Variants in PHKB observed in about 807,000 individuals in gnomAD.
The protein encoded by PHKB is phosphorylase kinase regulatory subunit beta.
A neutral mutation model predicts 152.1 loss-of-function variants in PHKB; 122 were observed. The observed-to-expected ratio is 0.80, with a 90% confidence interval of 0.69 to 0.93. The LOEUF (loss-of-function observed/expected upper bound fraction) is 0.93. Among genes scored for constraint, PHKB ranks in the 40% least tolerant of loss-of-function variants. PHKB has a pLI of 0.00. For missense variants in PHKB, 1,304 were observed against 1,328.4 expected (o/e 0.98, Z 0.29); for synonymous variants, 436 against 464.9 (o/e 0.94, Z 0.80).
intron 6 of PHKB, among the ~76,000 whole-genome samples, chr16:47,527,580 A>G (rs1232470045): frequency 6.6e-6 from 1 of 152,218 alleles, no homozygotes; most frequent in Non-Finnish European, 1.5e-5. Flanking sequence ...AAACTTTCCA[A>G]ATGGAATGTG....
At position 47,668,792 on chromosome 16, in the gene PHKB, C is replaced by T. The variant is rs73534802; in HGVS notation, c.2428-423C>T. ...AGTGTTGCTGAGGCAAAAGGATCTGCCTGAGAAACTATAAAAGAATCAAAA... is the reference window on the plus strand; with the variant it reads ...AGTGTTGCTGAGGCAAAAGGATCTGTCTGAGAAACTATAAAAGAATCAAAA... On this transcript the variant is annotated intron_variant, in intron 25 of 30. Coordinates refer to ENST00000323584, the MANE Select transcript of PHKB (RefSeq NM_000293.3). Among the ~76,000 whole-genome samples, 1,220 of 152,244 alleles carry T rather than the reference C, an allele frequency of 8.0e-3. 15 individuals are homozygous for T. The highest frequency in any genetic ancestry group is 0.028 in the African/African-American group (1,160 of 41,526).
chr16:47,560,560 A>G (rs1971458690), intron 7 of PHKB, among the ~76,000 whole-genome samples: 1 of 152,230 alleles, frequency 6.6e-6, no homozygotes, highest in African/African-American at 2.4e-5. Context: ...GTTCTGGCAT[A>G]AGGACAAGGA....
At chr16:47,593,979 A>G (rs570479948) in intron 11 of PHKB, among the ~76,000 whole-genome samples, 158 bp from the exon 12 acceptor site, 3 of 152,340 alleles carry the variant, frequency 2.0e-5, no homozygotes, top group Admixed American at 1.3e-4. Context: ...TTGGAAAAAT[A>G]TCACACAGAT....
intron 8 of PHKB, 27 bp from the exon 9 acceptor site, chr16:47,587,641 G>A (rs1366248768): frequency 3.9e-6 from 6 of 1,554,514 alleles, no homozygotes; most frequent in Non-Finnish European, 5.3e-6. Context: ...CTTAATTTAG[G>A]AAATGTTTTT....
At chr16:47,574,183 G>T (rs868557871) in intron 7 of PHKB, among the ~76,000 whole-genome samples, 2 of 152,188 alleles carry the variant, frequency 1.3e-5, no homozygotes, top group Non-Finnish European at 2.9e-5. Flanking sequence ...GCCTCCCAAA[G>T]TTCTGGGATT....
At chr16:47,646,316 T>G in intron 16 of PHKB, among the ~76,000 whole-genome samples, 1 of 89,904 alleles carries the variant, frequency 1.1e-5, no homozygotes. Flanking sequence ...CACTCATAGG[T>G]GGGAATTGAA....
At chr16:47,464,881 A>G (rs1349815971) in intron 1 of PHKB, among the ~76,000 whole-genome samples, 1 of 152,230 alleles carries the variant, frequency 6.6e-6, no homozygotes, top group Non-Finnish European at 1.5e-5. Flanking sequence ...TCTTAAGCAG[A>G]ATATTTCAAG....
intron 14 of PHKB, among the ~76,000 whole-genome samples, chr16:47,614,232 G>C (rs960196156): frequency 6.6e-6 from 1 of 152,080 alleles, no homozygotes; most frequent in African/African-American, 2.4e-5. Flanking sequence ...GTACCAAAAG[G>C]GGATGGTGCT....
intron 14 of PHKB, among the ~76,000 whole-genome samples, chr16:47,640,162 A>G (rs1450313756): frequency 6.6e-6 from 1 of 152,210 alleles, no homozygotes; most frequent in Non-Finnish European, 1.5e-5. Flanking sequence ...TCCATCATAC[A>G]TAAATTTCAG....
intron 15 of PHKB, among the ~76,000 whole-genome samples, chr16:47,641,315 T>C (rs1012552460): frequency 1.3e-5 from 2 of 152,184 alleles, no homozygotes; most frequent in African/African-American, 4.8e-5. Context: ...GACTGACCAG[T>C]GCCAGTGTTG....
intron 1 of PHKB, among the ~76,000 whole-genome samples, chr16:47,482,876 A>G (rs562067908): frequency 4.0e-5 from 6 of 151,374 alleles, no homozygotes; most frequent in South Asian, 4.2e-4. Context: ...ACACACCACC[A>G]TGCCTGACTA....
Position 47,624,101 on chromosome 16 carries a change from A to C in PHKB, c.1458+13181A>C, listed in dbSNP as rs192234807. Among the ~76,000 whole-genome samples, 7 of 152,306 alleles carry C rather than the reference A, an allele frequency of 4.6e-5. No individual in the cohort carries two copies. The East Asian group carries it at 1.3e-3, about 29-fold the overall frequency. Reference sequence around the variant, plus strand: ...ATTTTCATAAACTTTACGAATCTCCATGAGTTTTGAGCAAATATTTATATT... The same window carrying C: ...ATTTTCATAAACTTTACGAATCTCCCTGAGTTTTGAGCAAATATTTATATT... On this transcript the variant is annotated intron_variant, in intron 14 of 30. Coordinates refer to ENST00000323584, the MANE Select transcript of PHKB (RefSeq NM_000293.3).
chr16:47,666,557 G>T (rs1241491460), intron 25 of PHKB, among the ~76,000 whole-genome samples: 1 of 152,216 alleles, frequency 6.6e-6, no homozygotes, highest in Non-Finnish European at 1.5e-5. Context: ...GCCATCTCCA[G>T]TTAGCAGTGG....
In PHKB at chr16:47,693,403, G is replaced by A. The variant is rs373243537; in HGVS notation, c.2791G>A (p.Asp931Asn). ...ATGTTGGCTGAACAGGCGTCAGATC[G>A]ATGGGTCTTTGAATAGAACTCCCAC... is the stretch of plus-strand genomic sequence containing the variant. The part of the protein sequence containing the change: ...GRCWLNRRQI[D>N]GSLNRTPTGF... Residue 931 changes from aspartate (D) to asparagine (N), a missense_variant, in exon 28 of 31, where the codon GAT becomes AAT. Physicochemically the swap from Asp to Asn is conservative, Grantham distance 23. Transcript: ENST00000323584. The A allele has an allele frequency of 2.0e-5, 32 of 1,613,820 alleles. No homozygotes were observed. The highest frequency in any genetic ancestry group is 4.5e-5 in the East Asian group (2 of 44,884).
At chr16:47,651,765 G>A (rs1973241819) in intron 20 of PHKB, among the ~76,000 whole-genome samples, 2 of 152,070 alleles carry the variant, frequency 1.3e-5, no homozygotes, top group Non-Finnish European at 2.9e-5. Context: ...TAGTATAAAT[G>A]GCATGTTTAT....
At chr16:47,610,690 C>A in intron 13 of PHKB, 136 bp from the exon 14 acceptor site, 1 of 689,852 alleles carries the variant, frequency 1.4e-6, no homozygotes, top group Non-Finnish European at 2.6e-6. Flanking sequence ...TGTGGTATAT[C>A]CTGGTGGAGG....
At chr16:47,511,916 C>A in intron 5 of PHKB, 144 bp downstream of exon 5, 1 of 673,392 alleles carries the variant, frequency 1.5e-6, no homozygotes, top group Non-Finnish European at 2.7e-6. Context: ...TGGGATGAAA[C>A]CGTTCCATCT....
chr16:47,511,767 C>G lies in PHKB; in HGVS notation c.508C>G (p.Leu170Val). 6.5e-7 allele frequency: 1 copy of G among 1,541,816 alleles called. No individual in the cohort carries two copies. Among genetic ancestry groups the G allele is most frequent in the Non-Finnish European group, 9.0e-7 (1 of 1,114,020 alleles). Reference sequence around the variant, plus strand: ...GCTTTCCTATGAGGAATATGGTCATCTTCAGGTAAAAAGAGATTATACATT... The same window carrying G: ...GCTTTCCTATGAGGAATATGGTCATGTTCAGGTAAAAAGAGATTATACATT... The part of the protein sequence containing the change: ...ELLSYEEYGH[L>V]QINAVSLYLL... Residue 170 changes from leucine to valine, a missense_variant, in exon 5 of 31, where the codon CTT becomes GTT. Leu to Val is a conservative substitution (Grantham distance 32). Coordinates refer to ENST00000323584, the MANE Select transcript of PHKB (RefSeq NM_000293.3).
intron 6 of PHKB, among the ~76,000 whole-genome samples, chr16:47,537,690 T>A (rs921410726): frequency 6.6e-6 from 1 of 151,404 alleles, no homozygotes; most frequent in Admixed American, 6.6e-5. Context: ...TGGAAAAGAG[T>A]GGTCTGATGG....
Sources: gnomAD v4.1 joint callset for allele counts (sites outside exome capture counted in the v4.1 genomes callset) on GRCh38, gnomAD v4.1.1 for gene constraint, MANE v1.5 for transcripts, NCBI Gene and HGNC (gene_info 2026-07-23, HGNC 2026-07-21) for gene names.